SCUBE1: variants seen among roughly 807,000 people sequenced by gnomAD.
SCUBE1 encodes the protein signal peptide, CUB domain and EGF like domain containing 1.
A neutral mutation model predicts 124.4 loss-of-function variants in SCUBE1; 59 were observed. The observed-to-expected ratio is 0.47, with a 90% CI of 0.38 to 0.59. The LOEUF (loss-of-function observed/expected upper bound fraction) is 0.59, where lower values mean the gene tolerates loss of function less well. SCUBE1 is among the 20% of genes least tolerant of loss of function. The probability of loss-of-function intolerance (pLI) is 0.00; values close to 1 mark genes in which losing one functional copy is unlikely to be tolerated. For missense variants in SCUBE1, 1,150 were observed against 1,371.2 expected (o/e 0.84, Z 2.55); for synonymous variants, 545 against 550.9 (o/e 0.99, Z 0.15).
chr22:43,286,490 T>C (rs746335553), intron 4 of SCUBE1, among the ~76,000 whole-genome samples: 1 of 152,252 alleles, frequency 6.6e-6, no homozygotes, highest in South Asian at 2.1e-4. Context: ...GCCAGTGGCA[T>C]CTCAAACCCA....
chr22:43,309,169 T>C lies in SCUBE1; in HGVS notation c.349+10768A>G, dbSNP rs187870214. The stretch of plus-strand genomic sequence containing the variant: ...TATATCCATTTTCCCTAAACTGTGT[T>C]CTGGCTTTGCACACTAGGAATAAAT... On this transcript the variant is annotated intron_variant, in intron 3 of 21. Coordinates refer to ENST00000360835, the MANE Select transcript of SCUBE1 (RefSeq NM_173050.5). Among the ~76,000 whole-genome samples, 411 of 152,144 alleles carry C rather than the reference T, an allele frequency of 2.7e-3. 6 individuals carry two copies. Among genetic ancestry groups the C allele is most frequent in the Non-Finnish European group, 9.6e-4 (65 of 67,840 alleles).
chr22:43,284,431 A>G (rs1925049154), intron 4 of SCUBE1, among the ~76,000 whole-genome samples: 1 of 152,218 alleles, frequency 6.6e-6, no homozygotes, highest in African/African-American at 2.4e-5. Flanking sequence ...GCCAGCTATA[A>G]AGGCATCTCC....
At chr22:43,238,585 C>G in intron 7 of SCUBE1, 1 of 609,418 alleles carries the variant, frequency 1.6e-6, no homozygotes, top group Non-Finnish European at 3.0e-6. Context: ...ACATCAGTGC[C>G]TTTTTGGCCC....
intron 21 of SCUBE1, among the ~76,000 whole-genome samples, chr22:43,206,874 G>C (rs916084216): frequency 1.3e-5 from 2 of 152,200 alleles, no homozygotes; most frequent in Non-Finnish European, 2.9e-5. Context: ...ATCAGGAGCC[G>C]AGGGCGGCAG....
intron 3 of SCUBE1, 73 bp downstream of exon 3, chr22:43,319,864 C>A: frequency 6.4e-7 from 1 of 1,564,358 alleles, no homozygotes; most frequent in Non-Finnish European, 8.7e-7. Flanking sequence ...TCTCATGGCT[C>A]CCAACTCTGT....
chr22:43,277,373 A>G lies in SCUBE1; in HGVS notation c.484+13673T>C, dbSNP rs1029355948. Among the ~76,000 whole-genome samples, 5 of 151,464 alleles carry G rather than the reference A, an allele frequency of 3.3e-5. No homozygotes were observed. The East Asian group carries it at 9.7e-4, about 30-fold the overall frequency. ...AGCAGTGGTTCTGGCTGCTACCAGA[A>G]GGCTTGCGGGGCAGGGAGGCCTGTG... On this transcript the variant is annotated intron_variant, in intron 4 of 21. Transcript: ENST00000360835.
In SCUBE1 at chr22:43,339,592, C is replaced by CTCCCCTACTCTCCTCACTCTA. The variant is rs1353061073; in HGVS notation, c.89-378_89-358dup. Among the ~76,000 whole-genome samples, 224 of 150,792 alleles carry CTCCCCTACTCTCCTCACTCTA rather than the reference C, an allele frequency of 1.5e-3. No individual in the cohort carries two copies. In the Middle Eastern group the frequency reaches 0.021, roughly 14 times the overall value. On this transcript the variant is annotated intron_variant, in intron 1 of 21. Coordinates refer to ENST00000360835, the MANE Select transcript of SCUBE1 (RefSeq NM_173050.5). The stretch of plus-strand genomic sequence containing the variant: ...TCCCCCAACAAGCATCACTCCAGCC[C>CTCCCCTACTCTCCTCACTCTA]TCCCCTACTCTCCTCACTCTATCCC...
intron 4 of SCUBE1, 129 bp from the exon 5 acceptor site, chr22:43,262,974 C>A: frequency 5.3e-6 from 5 of 935,520 alleles, no homozygotes; most frequent in Non-Finnish European, 8.2e-6. Flanking sequence ...GTATCATGCA[C>A]ACACACGCAC....
chr22:43,291,178 C>A lies in SCUBE1; in HGVS notation c.352G>T (p.Val118Leu). 6.2e-7 allele frequency: 1 copy of A among 1,605,066 alleles called. No homozygotes were observed. Among genetic ancestry groups the A allele is most frequent in the Non-Finnish European group, 8.5e-7 (1 of 1,172,358 alleles). Residue 118 changes from valine (V) to leucine (L), a missense_variant and splice_region_variant, in exon 4 of 22, where the codon GTG becomes TTG. Coordinates refer to ENST00000360835, the MANE Select transcript of SCUBE1 (RefSeq NM_173050.5). ...LAHDGHNCLD[V>L]DECQDNNGGC... Reference sequence around the variant, plus strand: ...CCATTATTGTCCTGACACTCGTCCACATCTGTGAGAAAAGGAAGAGAAGGG... The same window carrying A: ...CCATTATTGTCCTGACACTCGTCCAAATCTGTGAGAAAAGGAAGAGAAGGG...
intron 2 of SCUBE1, among the ~76,000 whole-genome samples, chr22:43,320,406 C>T (rs1569029669): frequency 1.3e-5 from 2 of 152,192 alleles, no homozygotes; most frequent in African/African-American, 4.8e-5. Flanking sequence ...AAAGAAAAGT[C>T]CACTAACTCC....
intron 21 of SCUBE1, 137 bp from the exon 22 acceptor site, chr22:43,204,286 A>T (rs535096326): frequency 1.5e-6 from 1 of 679,632 alleles, no homozygotes; most frequent in African/African-American, 1.8e-5. Flanking sequence ...TTTGGTTTTA[A>T]TAGTATAACT....
intron 13 of SCUBE1, 75 bp from the exon 14 acceptor site, chr22:43,220,662 G>A: frequency 6.5e-7 from 1 of 1,547,296 alleles, no homozygotes; most frequent in South Asian, 1.2e-5. Flanking sequence ...CCTGCATACA[G>A]AGTGCCATTG....
intron 7 of SCUBE1, among the ~76,000 whole-genome samples, chr22:43,235,320 T>C (rs1164193457): frequency 2.0e-5 from 3 of 151,934 alleles, no homozygotes; most frequent in East Asian, 1.9e-4. Context: ...GGACACTGGT[T>C]CTGGCTCCCT....
At chr22:43,273,949 G>C (rs1183420126) in intron 4 of SCUBE1, among the ~76,000 whole-genome samples, 1 of 152,136 alleles carries the variant, frequency 6.6e-6, no homozygotes, top group Non-Finnish European at 1.5e-5. Context: ...TCAAGCTGCA[G>C]GGGGTGCTCT....
intron 1 of SCUBE1, among the ~76,000 whole-genome samples, chr22:43,341,153 G>C (rs1344897069): frequency 7.0e-6 from 1 of 143,170 alleles, no homozygotes; most frequent in African/African-American, 2.6e-5. Flanking sequence ...TTCCGGGGGG[G>C]GCTACCCATC....
chr22:43,315,289 G>C (rs1305515599), intron 3 of SCUBE1, among the ~76,000 whole-genome samples: 6 of 151,852 alleles, frequency 4.0e-5, no homozygotes, highest in Non-Finnish European at 7.4e-5. Context: ...TTCACAGTTA[G>C]GGGAACTGAA....
intron 3 of SCUBE1, among the ~76,000 whole-genome samples, chr22:43,293,392 G>A (rs538621204): frequency 2.6e-5 from 4 of 152,374 alleles, no homozygotes; most frequent in South Asian, 2.1e-4. Flanking sequence ...GAGTGAAGGC[G>A]GGACCCAGCC....
intron 3 of SCUBE1, among the ~76,000 whole-genome samples, chr22:43,310,390 G>A (rs999244063): frequency 3.3e-5 from 5 of 152,188 alleles, no homozygotes; most frequent in Non-Finnish European, 5.9e-5. Flanking sequence ...GGATTCTGTC[G>A]TCTTAGGACC....
chr22:43,220,531 G>T lies in SCUBE1; in HGVS notation c.1606C>A (p.Arg536Ser), dbSNP rs201677167. ...LKCDSSKKRR[R>S]GRKSPSKEVS... Reference sequence around the variant, plus strand: ...TCCTTGGATGGGGACTTGCGGCCACGGCGCCTCTTCTTGGAGGAGTCACAC... The same window carrying T: ...TCCTTGGATGGGGACTTGCGGCCACTGCGCCTCTTCTTGGAGGAGTCACAC... The change falls in exon 14 of 22, where the codon CGT (arginine) becomes AGT (serine). Residue 536 changes from arginine to serine, a missense_variant. By Grantham distance (110) the Arg-to-Ser change is moderately radical (BLOSUM62 -1). This residue lies in a region of SCUBE1 where 757 missense variants were observed against 840.9 expected (regional missense o/e 0.90). Coordinates refer to ENST00000360835, the MANE Select transcript of SCUBE1 (RefSeq NM_173050.5). 7 of 1,614,000 alleles carry T rather than the reference G, an allele frequency of 4.3e-6. No homozygotes were observed. Among genetic ancestry groups the T allele is most frequent in the Non-Finnish European group, 5.9e-6 (7 of 1,180,018 alleles).
Sources: gnomAD v4.1 joint callset for allele counts (sites outside exome capture counted in the v4.1 genomes callset) on GRCh38, gnomAD v4.1.1 for gene constraint, gnomAD v4.1.1 regional missense constraint, MANE v1.5 for transcripts, NCBI Gene and HGNC (gene_info 2026-07-23, HGNC 2026-07-21) for gene names.